TRMT11: variants seen among roughly 807,000 people sequenced by gnomAD.
TRMT11 encodes tRNA (guanine(10)-N(2))-methyltransferase TRMT11.
Under a neutral mutation model 62.8 loss-of-function variants are expected in TRMT11, and 53 were observed. The observed-to-expected ratio is 0.84, with a 90% CI of 0.68 to 1.06. TRMT11 has a LOEUF of 1.06. Ranked by LOEUF, TRMT11 falls within the 50% of genes least tolerant of loss-of-function variation. TRMT11 has a pLI of 0.00. For missense variants in TRMT11, 556 were observed against 553.4 expected (o/e 1.00, Z -0.05); for synonymous variants, 188 against 190.3 (o/e 0.99, Z 0.10).
intron 1 of TRMT11, among the ~76,000 whole-genome samples, chr6:126,197,698 A>G (rs1778682599): frequency 6.6e-6 from 1 of 152,180 alleles, no homozygotes; most frequent in Non-Finnish European, 1.5e-5. Flanking sequence ...GCTTTGTTAT[A>G]TCATTGACAA....
chr6:126,107,115 G>A (rs1777473421), intron 17 of TRMT11, among the ~76,000 whole-genome samples: 1 of 152,148 alleles, frequency 6.6e-6, no homozygotes. Flanking sequence ...TGGATAGAGA[G>A]CGTTGCTTGG....
At chr6:126,115,107 C>T (rs994426024) in intron 19 of TRMT11, among the ~76,000 whole-genome samples, 7 of 152,074 alleles carry the variant, frequency 4.6e-5, no homozygotes, top group South Asian at 2.1e-4. Context: ...ACTGTACTAA[C>T]ATAGCCTAAA....
intron 17 of TRMT11, among the ~76,000 whole-genome samples, chr6:126,090,397 A>G (rs1190162318): frequency 6.6e-6 from 1 of 152,208 alleles, no homozygotes; most frequent in East Asian, 1.9e-4. Flanking sequence ...GAAAGTTGTG[A>G]AAAGCCTTCA....
intron 1 of TRMT11, among the ~76,000 whole-genome samples, chr6:126,177,510 T>C (rs1168835478): frequency 6.6e-6 from 1 of 152,212 alleles, no homozygotes. Flanking sequence ...TATACTAATT[T>C]CTTATATATG....
chr6:126,245,491 A>G, the TRMT11 span, among the ~76,000 whole-genome samples: 1 of 152,240 alleles, frequency 6.6e-6, no homozygotes, highest in Non-Finnish European at 1.5e-5. Flanking sequence ...ATCAGCCTTT[A>G]AAAGGTAATT....
chr6:126,213,419 C>CT, the TRMT11 span, among the ~76,000 whole-genome samples: 1 of 151,930 alleles, frequency 6.6e-6, no homozygotes, highest in East Asian at 1.9e-4. Flanking sequence ...AATATCTTTC[C>CT]TTTTTTTGGT....
chr6:126,252,402 CT>C, the TRMT11 span, among the ~76,000 whole-genome samples: 2 of 152,196 alleles, frequency 1.3e-5, no homozygotes, highest in Non-Finnish European at 2.9e-5. Context: ...CTCCAAGGTG[CT>C]CTAAGAGTGA....
At chr6:126,131,999 A>G (rs1430592697) in intron 21 of TRMT11, among the ~76,000 whole-genome samples, 1 of 152,036 alleles carries the variant, frequency 6.6e-6, no homozygotes, top group Non-Finnish European at 1.5e-5. Context: ...TGTTCTTCAA[A>G]TGTAATTTGG....
intron 21 of TRMT11, among the ~76,000 whole-genome samples, chr6:126,148,747 G>T (rs1394079174): frequency 6.6e-6 from 1 of 152,100 alleles, no homozygotes; most frequent in Non-Finnish European, 1.5e-5. Flanking sequence ...CACTAGATTA[G>T]ATTGATAATA....
the TRMT11 span, among the ~76,000 whole-genome samples, chr6:126,230,294 C>T: frequency 1.3e-5 from 2 of 152,288 alleles, no homozygotes; most frequent in African/African-American, 2.4e-5. Context: ...TAAAGGGCCT[C>T]GATCCCCTGT....
chr6:126,015,731 G>A (rs1355686283), intron 11 of TRMT11, among the ~76,000 whole-genome samples: 1 of 152,144 alleles, frequency 6.6e-6, no homozygotes, highest in Non-Finnish European at 1.5e-5. Context: ...AAACTGTGCT[G>A]TAATCATCTA....
chr6:126,030,100 C>T (rs1423453121), intron 12 of TRMT11, among the ~76,000 whole-genome samples: 1 of 151,966 alleles, frequency 6.6e-6, no homozygotes, highest in Non-Finnish European at 1.5e-5. Flanking sequence ...CCAATGGTAC[C>T]TTGTTCTCAT....
chr6:126,218,070 A>T, the TRMT11 span, among the ~76,000 whole-genome samples: 389 of 152,106 alleles, frequency 2.6e-3, 1 homozygote, highest in African/African-American at 8.9e-3. Context: ...GCTATTTTTG[A>T]TGTTCAGTCA....
chr6:126,270,219 T>A, the TRMT11 span, among the ~76,000 whole-genome samples: 1 of 152,180 alleles, frequency 6.6e-6, no homozygotes, highest in Admixed American at 6.5e-5. Context: ...TTTTTTCTAG[T>A]TACATGAGTG....
downstream of TRMT11, among the ~76,000 whole-genome samples, chr6:126,208,797 G>A (rs2128256197): frequency 6.6e-6 from 1 of 152,260 alleles, no homozygotes; most frequent in South Asian, 2.1e-4. Context: ...ATATATTATT[G>A]TTTGGTTCCA....
chr6:126,209,440 G>A, the TRMT11 span, among the ~76,000 whole-genome samples: 1 of 151,868 alleles, frequency 6.6e-6, no homozygotes, highest in Non-Finnish European at 1.5e-5. Flanking sequence ...TTTGGTGTAG[G>A]CCGGGCGCGG....
At position 126,112,343 on chromosome 6, in the gene TRMT11, T is replaced by C. The variant is rs193111786; in HGVS notation, c.*1438-523T>C. Among the ~76,000 whole-genome samples, 4 of 152,280 alleles carry C rather than the reference T, an allele frequency of 2.6e-5. No homozygotes were observed. The East Asian group carries it at 7.7e-4, about 29-fold the overall frequency. ...GTTCAGTCCCTGTAGATCTGAGAAA[T>C]AATTCCTGTGGTTACATCAACTGTT... is the stretch of plus-strand genomic sequence containing the variant. On this transcript the variant is annotated intron_variant and NMD_transcript_variant, in intron 17 of 22. Coordinates refer to the TRMT11 transcript ENST00000648977.
At chr6:126,207,889 A>G (rs1435687987), downstream of TRMT11, among the ~76,000 whole-genome samples, 1 of 152,268 alleles carries the variant, frequency 6.6e-6, no homozygotes, top group African/African-American at 2.4e-5. Flanking sequence ...AACTAAAGAC[A>G]TTGATTAAAG....
At chr6:126,025,947 A>G (rs1772993724) in intron 12 of TRMT11, among the ~76,000 whole-genome samples, 1 of 152,234 alleles carries the variant, frequency 6.6e-6, no homozygotes, top group Non-Finnish European at 1.5e-5. Flanking sequence ...TTGATATTTT[A>G]TAAAATGTTG....
Sources: allele counts gnomAD v4.1 joint callset (sites outside exome capture counted in the v4.1 genomes callset), GRCh38; gene constraint gnomAD v4.1.1; transcripts MANE v1.5; gene names NCBI Gene and HGNC (gene_info 2026-07-23, HGNC 2026-07-21).